The following VDAC2 variants were observed in gnomAD, a reference collection of about 807,000 sequenced individuals.
The protein encoded by VDAC2 is non-selective voltage-gated ion channel VDAC2.
In VDAC2, 6 loss-of-function variants were observed where a neutral mutation model predicts 36.6. The ratio of observed to expected loss-of-function variants is 0.16; its 90% CI spans 0.09 to 0.32. VDAC2 has a LOEUF of 0.32. Ranked by LOEUF, VDAC2 falls within the 10% of genes least tolerant of loss-of-function variation. The pLI, the probability that VDAC2 is intolerant of heterozygous loss-of-function variation, is 1.00. For synonymous variants in VDAC2, 109 were observed against 123.8 expected (o/e 0.88, Z 0.79); for missense variants, 247 against 346.0 (o/e 0.71, Z 2.27).
intron 8 of VDAC2, among the ~76,000 whole-genome samples, chr10:75,223,770 G>T (rs2132274286): frequency 6.6e-6 from 1 of 152,282 alleles, no homozygotes; most frequent in South Asian, 2.1e-4. Context: ...GATTAGAGGG[G>T]GTGGGGAGAG....
At chr10:75,223,346 A>G (rs1166697821) in intron 8 of VDAC2, among the ~76,000 whole-genome samples, 1 of 152,200 alleles carries the variant, frequency 6.6e-6, no homozygotes, top group Non-Finnish European at 1.5e-5. Context: ...CTATTCTGTT[A>G]CTTACATTGA....
At chr10:75,217,653 C>T (rs1270462428) in intron 4 of VDAC2, among the ~76,000 whole-genome samples, 2 of 152,140 alleles carry the variant, frequency 1.3e-5, no homozygotes, top group East Asian at 1.9e-4. Flanking sequence ...GCTGGGATTA[C>T]AGGTGTGACC....
At chr10:75,227,056 G>GT (rs879297660) in intron 8 of VDAC2, among the ~76,000 whole-genome samples, 4 of 152,220 alleles carry the variant, frequency 2.6e-5, no homozygotes, top group Non-Finnish European at 5.9e-5. Context: ...TCATGGGAGG[G>GT]TGGGGCACCC....
chr10:75,217,331 G>A (rs1043998378), intron 4 of VDAC2, among the ~76,000 whole-genome samples: 2 of 152,176 alleles, frequency 1.3e-5, no homozygotes, highest in African/African-American at 2.4e-5. Flanking sequence ...CTGGACATCA[G>A]AACTCCTAAT....
chr10:75,222,550 G>C, intron 8 of VDAC2, 148 bp downstream of exon 8: 1 of 1,133,288 alleles, frequency 8.8e-7, no homozygotes, highest in Non-Finnish European at 1.3e-6. Flanking sequence ...GCGCTTTTTT[G>C]ATGGATACAG....
Position 75,216,388 on chromosome 10 carries a change from A to C in VDAC2, c.150+2318A>C, listed in dbSNP as rs1841605866. Among the ~76,000 whole-genome samples the C allele has an allele frequency of 2.0e-5, 3 of 152,212 alleles. No homozygotes were observed. The South Asian group carries it at 6.2e-4, about 31-fold the overall frequency. ...AGATTGTTGTGTATAGGGTTAGGGA[A>C]AGTTTTATGGAAGTAGGTTTAAGAG... On this transcript the variant is annotated intron_variant, in intron 4 of 9. Transcript: ENST00000332211.
chr10:75,230,793 G>T, intron 9 of VDAC2, 105 bp from the exon 10 acceptor site: 1 of 931,138 alleles, frequency 1.1e-6, no homozygotes, highest in Non-Finnish European at 1.6e-6. Context: ...ACAGGCTGAG[G>T]AAGTGACAGG....
At chr10:75,217,851 C>T (rs1197402754) in intron 4 of VDAC2, 10 of 1,204,498 alleles carry the variant, frequency 8.3e-6, no homozygotes, top group African/African-American at 1.6e-5. Flanking sequence ...GGCCTTTCCT[C>T]CTATTGATAC....
chr10:75,218,996 G>A (rs1841706276), intron 4 of VDAC2, 67 bp from the exon 5 acceptor site: 11 of 1,490,518 alleles, frequency 7.4e-6, no homozygotes, highest in South Asian at 2.6e-5. Context: ...GTGTGTGTGC[G>A]TGTGTAAGGC....
chr10:75,215,643 C>T (rs750542461), intron 4 of VDAC2, among the ~76,000 whole-genome samples: 68 of 151,918 alleles, frequency 4.5e-4, no homozygotes, highest in African/African-American at 3.9e-4. Flanking sequence ...TGAGCCACCG[C>T]GCCCGGCCTA....
Position 75,222,441 on chromosome 10 carries a change from G to T in VDAC2, c.735+39G>T, listed in dbSNP as rs1229345630. 3 of 1,610,686 alleles carry T rather than the reference G, an allele frequency of 1.9e-6. No homozygotes were observed. In the East Asian group the frequency reaches 6.7e-5, roughly 36 times the overall value. On this transcript the variant is annotated intron_variant, in intron 8 of 9. Transcript: ENST00000332211. ...TGGACTTAGAATGGGGGTTTTGGTT[G>T]TGGGAATGAGTCTTTGGGTATACTG...
intron 2 of VDAC2, chr10:75,211,552 T>C (rs1841421792): frequency 1.3e-6 from 2 of 1,550,376 alleles, no homozygotes; most frequent in Non-Finnish European, 1.7e-6. Context: ...TTACTTGTGC[T>C]CCTAAGGGCG....
At chr10:75,221,996 CTGTT>C (rs1841827441) in intron 7 of VDAC2, among the ~76,000 whole-genome samples, 1 of 152,170 alleles carries the variant, frequency 6.6e-6, no homozygotes, top group Admixed American at 6.5e-5. Context: ...AACCAAAAGG[CTGTT>C]TGAGAACCTC....
chr10:75,224,768 A>AG (rs1564714850), intron 8 of VDAC2, among the ~76,000 whole-genome samples: 1 of 152,202 alleles, frequency 6.6e-6, no homozygotes, highest in Non-Finnish European at 1.5e-5. Context: ...CCACCTTGCA[A>AG]GGGTAAAAAG....
intron 4 of VDAC2, among the ~76,000 whole-genome samples, chr10:75,215,131 C>G (rs1166465351): frequency 6.6e-6 from 1 of 151,878 alleles, no homozygotes; most frequent in Non-Finnish European, 1.5e-5. Flanking sequence ...CCAGGCTAGT[C>G]TTGAACTCCT....
At chr10:75,211,689 T>C (rs1243047165) in intron 2 of VDAC2, 4 of 1,550,090 alleles carry the variant, frequency 2.6e-6, no homozygotes, top group Non-Finnish European at 3.5e-6. Context: ...TGATATTTAG[T>C]TGATGTAGAC....
At chr10:75,212,403 C>T in intron 3 of VDAC2, 105 bp downstream of exon 3, 2 of 1,063,840 alleles carry the variant, frequency 1.9e-6, no homozygotes, top group South Asian at 3.0e-5. Context: ...TATCTTGCTG[C>T]TTTAAATTTA....
intron 5 of VDAC2, 37 bp downstream of exon 5, chr10:75,219,252 T>C (rs779087228): frequency 1.6e-5 from 25 of 1,554,378 alleles, no homozygotes; most frequent in Non-Finnish European, 1.7e-6. Context: ...ATTTTATTAA[T>C]TTATTTTTGT....
intron 7 of VDAC2, among the ~76,000 whole-genome samples, chr10:75,221,332 T>C (rs941716882): frequency 6.6e-6 from 1 of 152,130 alleles, no homozygotes; most frequent in Non-Finnish European, 1.5e-5. Context: ...TGGTTGGGTT[T>C]TTTTTTCTTT....
Sources: gnomAD v4.1 joint callset for allele counts (sites outside exome capture counted in the v4.1 genomes callset) on GRCh38, gnomAD v4.1.1 for gene constraint, MANE v1.5 for transcripts, NCBI Gene and HGNC (gene_info 2026-07-23, HGNC 2026-07-21) for gene names.